The following PRDM10 variants were observed in gnomAD, a reference collection of about 807,000 sequenced individuals.
The protein encoded by PRDM10 is PR/SET domain 10, also known as PR domain zinc finger protein 10.
PRDM10 carries 65 observed loss-of-function variants against 133.1 expected under a neutral mutation model. That is an observed-to-expected ratio of 0.49 (90% CI 0.40 to 0.60). The LOEUF is 0.60. Among genes scored for constraint, PRDM10 ranks in the 20% least tolerant of loss-of-function variants. The probability of loss-of-function intolerance (pLI) is 0.00; values close to 1 mark genes in which losing one functional copy is unlikely to be tolerated. For missense variants in PRDM10, 1,137 were observed against 1,507.1 expected, an observed-to-expected ratio of 0.75 and a Z score of 4.07; for synonymous variants, 582 against 580.4, an observed-to-expected ratio of 1.00 and a Z score of -0.04.
chr11:129,962,463 C>T (rs1352512415), intron 1 of PRDM10, among the ~76,000 whole-genome samples: 2 of 152,214 alleles, frequency 1.3e-5, no homozygotes, highest in Non-Finnish European at 2.9e-5. Context: ...CTGCAGCACC[C>T]CCCACCACAC....
intron 13 of PRDM10, among the ~76,000 whole-genome samples, chr11:129,920,778 T>C (rs184655511): frequency 6.6e-6 from 1 of 152,096 alleles, no homozygotes; most frequent in East Asian, 1.9e-4. Context: ...AGGTCTCCCC[T>C]ATACCCCAAA....
At position 129,994,488 on chromosome 11, in the gene PRDM10, C is replaced by T. The variant is rs370434834; in HGVS notation, c.-119+8234G>A. Among the ~76,000 whole-genome samples the T allele has an allele frequency of 8.1e-3, 1,139 of 140,900 alleles. 5 individuals are homozygous for T. The highest frequency in any genetic ancestry group is 0.012 in the African/African-American group (450 of 38,944). The allele number at this position is 140,900 out of a possible 152,430, so 92.4% of individuals were successfully genotyped here. On this transcript the variant is annotated intron_variant, in intron 1 of 20. Coordinates refer to ENST00000360871, the MANE Select transcript of PRDM10 (RefSeq NM_199437.2). ...CTCAAAAAAAAAAAAAAAAAAGAAA[C>T]GAAACTGGTGGTGGTGGTTTGCACC... is the stretch of plus-strand genomic sequence containing the variant.
intron 1 of PRDM10, among the ~76,000 whole-genome samples, chr11:130,002,368 G>A (rs533221850): frequency 1.3e-3 from 192 of 152,218 alleles, no homozygotes; most frequent in Middle Eastern, 3.4e-3. Context: ...GGGGCGACGA[G>A]ACGCCGAGGC....
intron 2 of PRDM10, among the ~76,000 whole-genome samples, chr11:129,959,634 C>T (rs1182850131): frequency 1.3e-5 from 2 of 152,114 alleles, no homozygotes; most frequent in African/African-American, 2.4e-5. Context: ...TAATGAACTA[C>T]AATTTTATTT....
chr11:129,962,336 C>T (rs1471308828), intron 1 of PRDM10, among the ~76,000 whole-genome samples: 7 of 152,160 alleles, frequency 4.6e-5, no homozygotes, highest in African/African-American at 7.2e-5. Flanking sequence ...AGAGAAGGTA[C>T]GTGAACTTCG....
At chr11:129,937,379 C>A (rs990825828) in intron 8 of PRDM10, among the ~76,000 whole-genome samples, 1 of 152,010 alleles carries the variant, frequency 6.6e-6, no homozygotes, top group African/African-American at 2.4e-5. Context: ...ATTTGGAAGT[C>A]TTCATTATAT....
intron 4 of PRDM10, among the ~76,000 whole-genome samples, chr11:129,949,193 A>G (rs1951513472): frequency 6.6e-6 from 1 of 152,212 alleles, no homozygotes; most frequent in African/African-American, 2.4e-5. Context: ...CCTCAGGGAA[A>G]TAGACTATGG....
Position 129,960,917 on chromosome 11 carries a change from C to A in PRDM10, c.48G>T (p.Glu16Asp). The change falls in exon 2 of 21, where the codon GAG becomes GAT. Residue 16 changes from glutamate to aspartate, a missense_variant. By Grantham distance (45) the Glu-to-Asp change is conservative (BLOSUM62 2). Coordinates refer to ENST00000360871, the MANE Select transcript of PRDM10 (RefSeq NM_199437.2). The part of the protein sequence containing the change: ...ESSHVWPTSA[E>D]HEQNAAQVHF... ...TCACCTGTGCGGCATTCTGTTCATGCTCTGCAGATGTCGGCCACACATGCG... is the reference window on the plus strand; with the variant it reads ...TCACCTGTGCGGCATTCTGTTCATGATCTGCAGATGTCGGCCACACATGCG... The A allele has an allele frequency of 6.2e-7, 1 of 1,614,168 alleles. No individual in the cohort carries two copies. Among genetic ancestry groups the A allele is most frequent in the Admixed American group, 1.7e-5 (1 of 60,018 alleles).
At chr11:129,956,205 CT>C (rs1166009090) in intron 3 of PRDM10, among the ~76,000 whole-genome samples, 1 of 152,198 alleles carries the variant, frequency 6.6e-6, no homozygotes, top group East Asian at 1.9e-4. Flanking sequence ...TTCGAAACTA[CT>C]GTAGCCAGGG....
rs139080433 is a variant in PRDM10 at position 129,931,213 on chromosome 11, G to C, written c.1333C>G (p.Pro445Ala). 209 of 1,613,950 alleles carry C rather than the reference G, an allele frequency of 1.3e-4. No homozygotes were observed. Among genetic ancestry groups the C allele is most frequent in the Admixed American group, 8.3e-5 (5 of 59,990 alleles). Residue 445 changes from proline (P) to alanine (A), a missense_variant, in exon 11 of 21, where the codon CCA (proline) becomes GCA (alanine). Coordinates refer to ENST00000360871, the MANE Select transcript of PRDM10 (RefSeq NM_199437.2). ...PTKEQFDEAEPATLNGLDQPE... is the reference protein window; with the variant it reads ...PTKEQFDEAEAATLNGLDQPE... ...TGATCCAGCCCATTCAGAGTGGCTG[G>C]TTCAGCCTCATCAAATTGCTCCTTT...
chr11:129,958,373 G>A (rs1287012294), intron 2 of PRDM10, among the ~76,000 whole-genome samples: 1 of 152,186 alleles, frequency 6.6e-6, no homozygotes, highest in Non-Finnish European at 1.5e-5. Context: ...TAGGCGTGGT[G>A]GTTCACACCT....
Position 129,918,845 on chromosome 11 carries a change from T to C in PRDM10, c.2035-127A>G. ...AGCCTCCAAGAGACATTTGAGTTGC[T>C]GGAACACTAGGACGCAGACATGTTA... On this transcript the variant is annotated intron_variant, in intron 13 of 20. Coordinates refer to ENST00000360871, the MANE Select transcript of PRDM10 (RefSeq NM_199437.2). The surrounding 1 kb of genome is among the most constrained non-coding windows in gnomAD (Gnocchi z 5.3). 1.1e-6 allele frequency: 1 copy of C among 945,876 alleles called. No homozygotes were observed. Among genetic ancestry groups the C allele is most frequent in the Non-Finnish European group, 1.6e-6 (1 of 624,406 alleles). 58.6% of individuals were successfully genotyped at this position (945,876 alleles called of 1,614,324 possible).
chr11:129,974,845 A>C (rs996257692), intron 1 of PRDM10, among the ~76,000 whole-genome samples: 1 of 152,236 alleles, frequency 6.6e-6, no homozygotes, highest in Non-Finnish European at 1.5e-5. Flanking sequence ...CAGCCTTAAA[A>C]AGGAAGGGAA....
At chr11:129,914,572 G>T (rs1202939888) in intron 17 of PRDM10, 132 bp downstream of exon 17, 1 of 1,242,870 alleles carries the variant, frequency 8.0e-7, no homozygotes, top group Non-Finnish European at 1.2e-6. Context: ...GGAAGGGGCA[G>T]TTGTAAAATG....
chr11:129,932,171 C>T lies in PRDM10; in HGVS notation c.1218G>A (p.Gly406=), dbSNP rs774932832. The T allele has an allele frequency of 1.2e-5, 20 of 1,614,008 alleles. No homozygotes were observed. The highest frequency in any genetic ancestry group is 1.6e-4 in the Middle Eastern group (1 of 6,084). Residue 406 remains glycine, a synonymous_variant, in exon 10 of 21, where the codon GGG becomes GGA. Transcript: ENST00000360871. ...KRRFGPGRRP[G]RPPKFIRLEI... is the part of the protein sequence containing the mutation. ...CCAGGCGGATAAATTTTGGAGGACG[C>T]CCCGGCCGTCGACCTGGACCGAATC... is the stretch of plus-strand genomic sequence containing the variant.
chr11:129,923,687 A>AGAGAGAGAGAGAGAGAGAGAGAGG lies in PRDM10; in HGVS notation c.1879-285_1879-284insCCTCTCTCTCTCTCTCTCTCTCTC, dbSNP rs1565464200. Among the ~76,000 whole-genome samples, 7 of 145,302 alleles carry AGAGAGAGAGAGAGAGAGAGAGAGG rather than the reference A, an allele frequency of 4.8e-5. No homozygotes were observed. The highest frequency in any genetic ancestry group is 1.6e-4 in the African/African-American group (6 of 37,836). On this transcript the variant is annotated intron_variant, in intron 12 of 20. Coordinates refer to ENST00000360871, the MANE Select transcript of PRDM10 (RefSeq NM_199437.2). The surrounding 1 kb of genome is among the most constrained non-coding windows in gnomAD (Gnocchi z 4.4). ...GAGAGAGAGAGAGAGAGAGAGAGAG[A>AGAGAGAGAGAGAGAGAGAGAGAGG]GAGAGAGTGCTTGCTTGGTCAAAGC...
At chr11:129,963,694 C>T (rs1951849157) in intron 1 of PRDM10, among the ~76,000 whole-genome samples, 1 of 152,092 alleles carries the variant, frequency 6.6e-6, no homozygotes, top group South Asian at 2.1e-4. Flanking sequence ...CCCTTTCCCC[C>T]TAAATTCCTA....
intron 1 of PRDM10, among the ~76,000 whole-genome samples, chr11:129,972,175 G>T (rs573375316): frequency 6.6e-6 from 1 of 152,116 alleles, no homozygotes; most frequent in Non-Finnish European, 1.5e-5. Flanking sequence ...AGCGCCGCGC[G>T]CAGCCCCGGT....
Position 129,947,827 on chromosome 11 carries a change from T to C in PRDM10, c.295-457A>G, listed in dbSNP as rs1167913278. 2.0e-5 allele frequency among the ~76,000 whole-genome samples: 3 copies of C among 152,236 alleles called. No homozygotes were observed. The highest frequency in any genetic ancestry group is 7.2e-5 in the African/African-American group (3 of 41,462). ...AGGTAAGCAACAGACCGTTTCGATG[T>C]GTGCACATGTGAGGTATCATCAGTT... On this transcript the variant is annotated intron_variant, in intron 4 of 20. Transcript: ENST00000360871. The surrounding 1 kb of genome is among the most constrained non-coding windows in gnomAD (Gnocchi z 4.6).
Sources: gnomAD v4.1 joint callset for allele counts (sites outside exome capture counted in the v4.1 genomes callset) on GRCh38, gnomAD v4.1.1 for gene constraint, Gnocchi (gnomAD v3.1) non-coding constraint, MANE v1.5 for transcripts, NCBI Gene and HGNC (gene_info 2026-07-23, HGNC 2026-07-21) for gene names.